DLG1: variants seen among roughly 807,000 people sequenced by gnomAD.
DLG1 encodes the protein discs large MAGUK scaffold protein 1, also known as disks large homolog 1.
In DLG1, 42 loss-of-function variants were observed where a neutral mutation model predicts 123.4. The ratio of observed to expected loss-of-function variants is 0.34; its 90% CI spans 0.27 to 0.44. The LOEUF is 0.44. DLG1 is among the 20% of genes least tolerant of loss of function. DLG1 has a pLI of 1.00. For missense variants in DLG1, 942 were observed against 1,082.6 expected (o/e 0.87, Z 1.82); for synonymous variants, 317 against 356.2 (o/e 0.89, Z 1.24).
At chr3:197,261,462 G>C (rs1176148823) in intron 4 of DLG1, among the ~76,000 whole-genome samples, 1 of 152,134 alleles carries the variant, frequency 6.6e-6, no homozygotes, top group Non-Finnish European at 1.5e-5. Context: ...TAAAATCCAA[G>C]AAATTTTCTA....
chr3:197,227,126 T>C (rs1453419074), intron 4 of DLG1, among the ~76,000 whole-genome samples: 1 of 152,234 alleles, frequency 6.6e-6, no homozygotes, highest in Non-Finnish European at 1.5e-5. Context: ...TCTTCCACTA[T>C]TATTTGGGTT....
In DLG1 at chr3:197,085,740, C is replaced by A; in HGVS notation, c.1678G>T (p.Asp560Tyr). 1 of 1,612,350 alleles carries A rather than the reference C, an allele frequency of 6.2e-7. No homozygotes were observed. The highest frequency in any genetic ancestry group is 1.1e-5 in the South Asian group (1 of 90,788). ...GGAAGCCCACTGTCTTTAGTCTTGT[C>A]ATAATCAAAAAGGGCTCTAGAGTCA... is the stretch of plus-strand genomic sequence containing the variant. Reference protein sequence around the residue: ...SLYVRALFDYDKTKDSGLPSQ... With the variant: ...SLYVRALFDYYKTKDSGLPSQ... The change falls in exon 16 of 25, where the codon GAC becomes TAC. Residue 560 changes from aspartate (D) to tyrosine (Y), a missense_variant. Asp to Tyr is a radical substitution (Grantham distance 160, BLOSUM62 -3). Transcript: ENST00000667157.
intron 11 of DLG1, among the ~76,000 whole-genome samples, chr3:197,126,086 G>A (rs1778929858): frequency 6.6e-6 from 1 of 152,176 alleles, no homozygotes; most frequent in Non-Finnish European, 1.5e-5. Flanking sequence ...AGAAGGGAAG[G>A]GACTGGAAGC....
intron 5 of DLG1, among the ~76,000 whole-genome samples, chr3:197,171,048 G>T (rs1167615391): frequency 2.0e-5 from 3 of 152,008 alleles, no homozygotes; most frequent in African/African-American, 7.2e-5. Context: ...GTTTTGTATG[G>T]CATAATTAAT....
chr3:197,060,807 C>T (rs115212861), intron 22 of DLG1, among the ~76,000 whole-genome samples: 2 of 152,098 alleles, frequency 1.3e-5, no homozygotes, highest in African/African-American at 4.8e-5. Flanking sequence ...AGGCCCTCCC[C>T]GATAATGCAA....
rs149798206 is a variant in DLG1 at position 197,252,811 on chromosome 3, T to C, written c.318+29868A>G. Among the ~76,000 whole-genome samples, 31 of 152,322 alleles carry C rather than the reference T, an allele frequency of 2.0e-4. No homozygotes were observed. The East Asian group carries it at 3.7e-3, about 18-fold the overall frequency. On this transcript the variant is annotated intron_variant, in intron 4 of 24. Coordinates refer to ENST00000667157, the MANE Select transcript of DLG1 (RefSeq NM_001366207.1). ...TGGTAGTGGCTGCATCTCATGAATG[T>C]ATTTAATACCATTTTACTATACACT...
At chr3:197,259,765 A>T (rs1017806613) in intron 4 of DLG1, among the ~76,000 whole-genome samples, 1 of 152,178 alleles carries the variant, frequency 6.6e-6, no homozygotes, top group Non-Finnish European at 1.5e-5. Context: ...GTGCTTGTAC[A>T]AGTCTAATCA....
At chr3:197,283,782 TA>T (rs1229596490) in intron 3 of DLG1, among the ~76,000 whole-genome samples, 1 of 152,024 alleles carries the variant, frequency 6.6e-6, no homozygotes, top group Non-Finnish European at 1.5e-5. Flanking sequence ...TGCTTCTCAT[TA>T]TTTTAAAAGC....
intron 13 of DLG1, among the ~76,000 whole-genome samples, chr3:197,105,828 TA>T (rs888114602): frequency 3.3e-5 from 5 of 152,006 alleles, no homozygotes; most frequent in African/African-American, 9.7e-5. Flanking sequence ...AATACCGAAT[TA>T]AAAAAAATTA....
At chr3:197,270,115 A>G (rs772211477) in intron 4 of DLG1, among the ~76,000 whole-genome samples, 7 of 152,186 alleles carry the variant, frequency 4.6e-5, no homozygotes, top group Non-Finnish European at 8.8e-5. Context: ...TAGGAATAGA[A>G]AAATGGAAAC....
chr3:197,083,652 T>C (rs939838693), intron 16 of DLG1, among the ~76,000 whole-genome samples: 3 of 152,142 alleles, frequency 2.0e-5, no homozygotes, highest in Non-Finnish European at 4.4e-5. Context: ...TATACACCCA[T>C]GAATCACTAA....
intron 4 of DLG1, among the ~76,000 whole-genome samples, chr3:197,274,755 A>G (rs572476834): frequency 6.6e-6 from 1 of 152,352 alleles, no homozygotes; most frequent in South Asian, 2.1e-4. Flanking sequence ...ATATATAAGG[A>G]GCAACAAAAA....
intron 6 of DLG1, among the ~76,000 whole-genome samples, chr3:197,148,985 A>C (rs1013786279): frequency 6.6e-6 from 1 of 152,122 alleles, no homozygotes; most frequent in Non-Finnish European, 1.5e-5. Flanking sequence ...AAGATGTATT[A>C]ATTGTTTTAA....
intron 4 of DLG1, among the ~76,000 whole-genome samples, chr3:197,272,182 T>A (rs1764188429): frequency 6.6e-6 from 1 of 152,156 alleles, no homozygotes; most frequent in Non-Finnish European, 1.5e-5. Context: ...ATTCACATAT[T>A]TATTCACCAC....
At chr3:197,289,889 T>C (rs1773977738) in intron 3 of DLG1, among the ~76,000 whole-genome samples, 1 of 152,242 alleles carries the variant, frequency 6.6e-6, no homozygotes, top group African/African-American at 2.4e-5. Flanking sequence ...CTTTAGATAC[T>C]ATTAGACTAA....
In DLG1 at chr3:197,209,694, G is replaced by C. The variant is rs1730348278; in HGVS notation, c.319-15105C>G. Among the ~76,000 whole-genome samples, 2 of 146,468 alleles carry C rather than the reference G, an allele frequency of 1.4e-5. 1 individual carries two copies. Among genetic ancestry groups the C allele is most frequent in the South Asian group, 5.1e-4 (2 of 3,902 alleles). On this transcript the variant is annotated intron_variant, in intron 4 of 24. Transcript: ENST00000667157. Reference sequence around the variant, plus strand: ...TTCTCTAACCACAATGGAATTAACTGAGAAACAAGGTATCTAGTAAAATTC... The same window carrying C: ...TTCTCTAACCACAATGGAATTAACTCAGAAACAAGGTATCTAGTAAAATTC...
chr3:197,176,589 C>T (rs573175204), intron 5 of DLG1, among the ~76,000 whole-genome samples: 3 of 152,164 alleles, frequency 2.0e-5, no homozygotes, highest in African/African-American at 7.2e-5. Context: ...CTTCTTTCAC[C>T]TGGTAATATT....
chr3:197,231,425 C>T (rs1331584906), intron 4 of DLG1, among the ~76,000 whole-genome samples: 1 of 152,080 alleles, frequency 6.6e-6, no homozygotes, highest in East Asian at 1.9e-4. Context: ...AACATACAGC[C>T]AGGTGTGGTC....
intron 11 of DLG1, among the ~76,000 whole-genome samples, chr3:197,122,636 A>G (rs34579900): frequency 0.053 from 8,079 of 152,220 alleles, 295 homozygotes; most frequent in East Asian, 0.14. Context: ...TATTTCCTAT[A>G]TATCAGTTAA....
Sources: gnomAD v4.1 joint callset for allele counts (sites outside exome capture counted in the v4.1 genomes callset) on GRCh38, gnomAD v4.1.1 for gene constraint, MANE v1.5 for transcripts, NCBI Gene and HGNC (gene_info 2026-07-23, HGNC 2026-07-21) for gene names.